The following ARB2A variants were observed in gnomAD, a reference collection of about 807,000 sequenced individuals.
ARB2A encodes the protein cotranscriptional regulator ARB2A.
At chr5:94,004,652 T>C in the ARB2A span, among the ~76,000 whole-genome samples, 1 of 151,916 alleles carries the variant, frequency 6.6e-6, no homozygotes, top group Non-Finnish European at 1.5e-5. Flanking sequence ...AGTTATAGGC[T>C]GGGAGAATAC....
At chr5:93,921,667 G>A in the ARB2A span, among the ~76,000 whole-genome samples, 1 of 152,130 alleles carries the variant, frequency 6.6e-6, no homozygotes, top group Non-Finnish European at 1.5e-5. Context: ...GAAGGCATAG[G>A]CTAACTCTAC....
the ARB2A span, among the ~76,000 whole-genome samples, chr5:93,984,184 A>G: frequency 6.6e-6 from 1 of 152,136 alleles, no homozygotes. Flanking sequence ...AAAATATGCA[A>G]ATGTTTCAGA....
At chr5:93,945,024 T>TA in the ARB2A span, among the ~76,000 whole-genome samples, 3,787 of 152,266 alleles carry the variant, frequency 0.025, 78 homozygotes, top group Non-Finnish European at 0.04. Flanking sequence ...GCTTTAGTTG[T>TA]AAGTTCAAGT....
chr5:93,985,415 T>C, the ARB2A span, among the ~76,000 whole-genome samples: 1 of 150,722 alleles, frequency 6.6e-6, no homozygotes, highest in Non-Finnish European at 1.5e-5. Flanking sequence ...TCTCCCTCTT[T>C]CCACGGTCTC....
the ARB2A span, chr5:93,740,316 A>G: frequency 2.5e-6 from 1 of 403,480 alleles, no homozygotes; most frequent in South Asian, 7.3e-5. Context: ...TATCGAAACC[A>G]TCTATATACT....
At chr5:93,837,945 A>G in the ARB2A span, among the ~76,000 whole-genome samples, 1 of 151,978 alleles carries the variant, frequency 6.6e-6, no homozygotes, top group African/African-American at 2.4e-5. Context: ...TATTTTTCCT[A>G]TTCTATAGAT....
At chr5:93,794,965 C>T in the ARB2A span, among the ~76,000 whole-genome samples, 8 of 152,266 alleles carry the variant, frequency 5.3e-5, no homozygotes, top group Non-Finnish European at 7.4e-5. Flanking sequence ...CTAGGGACAC[C>T]TGGTTAAGTA....
the ARB2A span, among the ~76,000 whole-genome samples, chr5:94,011,555 C>T: frequency 6.6e-6 from 1 of 151,974 alleles, no homozygotes; most frequent in Non-Finnish European, 1.5e-5. Context: ...GGAAAGAAGC[C>T]TGGACTAAAG....
the ARB2A span, among the ~76,000 whole-genome samples, chr5:93,927,988 T>A: frequency 6.6e-6 from 1 of 150,938 alleles, no homozygotes. Context: ...AAAATCAACA[T>A]TACCAATTCC....
chr5:93,859,572 G>A, the ARB2A span, among the ~76,000 whole-genome samples: 2 of 152,122 alleles, frequency 1.3e-5, no homozygotes, highest in East Asian at 1.9e-4. Context: ...GCCAAAGAGT[G>A]GAAGAGTGAC....
the ARB2A span, among the ~76,000 whole-genome samples, chr5:93,937,577 A>G: frequency 1.3e-5 from 2 of 151,582 alleles, no homozygotes; most frequent in Non-Finnish European, 2.9e-5. Context: ...GCGCCACTGC[A>G]CTCCAGCCTG....
the ARB2A span, among the ~76,000 whole-genome samples, chr5:93,924,371 A>T: frequency 6.6e-6 from 1 of 152,212 alleles, no homozygotes; most frequent in African/African-American, 2.4e-5. Context: ...GCTTCCTGCA[A>T]TCCCTCAGGA....
At chr5:93,782,077 G>A in the ARB2A span, 1 of 229,526 alleles carries the variant, frequency 4.4e-6, no homozygotes, top group Non-Finnish European at 7.2e-6. Context: ...ACACATTTAG[G>A]TAGGTTCCTA....
chr5:93,844,380 G>C, the ARB2A span, among the ~76,000 whole-genome samples: 1 of 151,986 alleles, frequency 6.6e-6, no homozygotes, highest in Non-Finnish European at 1.5e-5. Flanking sequence ...GGAGGTGGAG[G>C]CTGCAGTGAG....
At chr5:93,651,529 T>A in the ARB2A span, among the ~76,000 whole-genome samples, 3 of 152,150 alleles carry the variant, frequency 2.0e-5, no homozygotes, top group Admixed American at 6.5e-5. Context: ...AGAGAATATA[T>A]TGCAGACAGA....
At chr5:93,734,945 C>A in the ARB2A span, 1 of 151,856 alleles carries the variant, frequency 6.6e-6, no homozygotes, top group Non-Finnish European at 1.5e-5. Context: ...TTAGTAGAGA[C>A]GGGGTTTCAC....
chr5:93,883,842 A>G, the ARB2A span, among the ~76,000 whole-genome samples: 3 of 150,046 alleles, frequency 2.0e-5, no homozygotes, highest in East Asian at 4.0e-4. Context: ...TACCGTGAGT[A>G]AGTGGTCTCC....
the ARB2A span, among the ~76,000 whole-genome samples, chr5:93,641,433 T>TTATGGAAACACCTGTGAAC: frequency 6.6e-6 from 1 of 151,966 alleles, no homozygotes; most frequent in Non-Finnish European, 1.5e-5. Context: ...CACCTGTGAA[T>TTATGGAAACACCTGTGAAC]CCACTTATAA....
At chr5:93,688,244 G>A in the ARB2A span, among the ~76,000 whole-genome samples, 2 of 152,136 alleles carry the variant, frequency 1.3e-5, no homozygotes, top group Admixed American at 1.3e-4. Context: ...AAAGTGCTGG[G>A]ATTACAGGCG....
Sources: gnomAD v4.1 joint callset for allele counts (sites outside exome capture counted in the v4.1 genomes callset) on GRCh38, gnomAD v4.1.1 for gene constraint, MANE v1.5 for transcripts, NCBI Gene and HGNC (gene_info 2026-07-23, HGNC 2026-07-21) for gene names.